The following TXNDC8 variants were observed in gnomAD, a reference collection of about 807,000 sequenced individuals.
TXNDC8 encodes the protein thioredoxin domain containing 8.
TXNDC8 carries 15 observed loss-of-function variants against 12.9 expected under a neutral mutation model. That is an observed-to-expected ratio of 1.16 (90% CI 0.78 to 1.79). The LOEUF (loss-of-function observed/expected upper bound fraction) is 1.79, where lower values mean the gene tolerates loss of function less well. Ranked by LOEUF, TXNDC8 falls within the 40% of genes most tolerant of loss-of-function variation. The pLI, the probability that TXNDC8 is intolerant of heterozygous loss-of-function variation, is 0.00. For missense variants in TXNDC8, 128 were observed against 113.2 expected, an observed-to-expected ratio of 1.13 and a Z score of -0.59; for synonymous variants, 40 against 35.4, an observed-to-expected ratio of 1.13 and a Z score of -0.46.
intron 3 of TXNDC8, among the ~76,000 whole-genome samples, chr9:110,311,521 G>GAGA: frequency 2.4e-5 from 1 of 41,246 alleles, no homozygotes; most frequent in African/African-American, 6.0e-5. Flanking sequence ...AAATAAAGAG[G>GAGA]TATATATATA....
At chr9:110,330,636 A>T (rs1429393341) in intron 2 of TXNDC8, among the ~76,000 whole-genome samples, 1 of 152,194 alleles carries the variant, frequency 6.6e-6, no homozygotes, top group Non-Finnish European at 1.5e-5. Flanking sequence ...TTAGCCCAGG[A>T]TCAGCAAACT....
intron 1 of TXNDC8, among the ~76,000 whole-genome samples, chr9:110,335,507 G>A (rs1839713634): frequency 6.6e-6 from 1 of 152,186 alleles, no homozygotes; most frequent in Non-Finnish European, 1.5e-5. Context: ...TTTACTCTGT[G>A]CCCTATATTC....
chr9:110,327,775 C>G (rs1839391986), intron 2 of TXNDC8, among the ~76,000 whole-genome samples: 1 of 152,020 alleles, frequency 6.6e-6, no homozygotes, highest in African/African-American at 2.4e-5. Flanking sequence ...TTGTGGTTGC[C>G]TAGGATTGGG....
intron 3 of TXNDC8, among the ~76,000 whole-genome samples, chr9:110,311,720 T>A (rs1297810984): frequency 7.1e-6 from 1 of 141,008 alleles, no homozygotes; most frequent in Non-Finnish European, 1.5e-5. Flanking sequence ...TATTACTATA[T>A]CCATATATAT....
chr9:110,308,040 G>C (rs1483721654), intron 3 of TXNDC8, among the ~76,000 whole-genome samples: 3 of 152,216 alleles, frequency 2.0e-5, no homozygotes, highest in African/African-American at 7.2e-5. Flanking sequence ...TCTGAGTGGA[G>C]TTACCCCTGA....
chr9:110,310,025 C>G (rs1357987999), intron 3 of TXNDC8, among the ~76,000 whole-genome samples: 1 of 152,016 alleles, frequency 6.6e-6, no homozygotes, highest in Admixed American at 6.6e-5. Flanking sequence ...GAGAAGAAAA[C>G]AAGGAGACTG....
intron 3 of TXNDC8, chr9:110,323,681 T>A (rs1401368119): frequency 3.4e-6 from 2 of 593,112 alleles, no homozygotes; most frequent in East Asian, 3.9e-5. Flanking sequence ...AGCTGAAGAA[T>A]CTATGGGGAT....
intron 3 of TXNDC8, among the ~76,000 whole-genome samples, chr9:110,315,594 A>G (rs1012629364): frequency 6.6e-5 from 10 of 152,176 alleles, no homozygotes; most frequent in Admixed American, 1.3e-4. Context: ...GCCAGTTGAT[A>G]TGCAATTTTG....
intron 3 of TXNDC8, chr9:110,322,619 T>A (rs1044339758): frequency 1.0e-6 from 1 of 985,056 alleles, no homozygotes; most frequent in Non-Finnish European, 1.2e-6. Context: ...GAACTCAGAG[T>A]CTTGTGTCAT....
intron 2 of TXNDC8, among the ~76,000 whole-genome samples, chr9:110,331,598 C>T (rs1231759972): frequency 6.6e-6 from 1 of 152,128 alleles, no homozygotes; most frequent in Admixed American, 6.5e-5. Context: ...GTCATCTAAC[C>T]TTTTTGATAC....
intron 3 of TXNDC8, among the ~76,000 whole-genome samples, chr9:110,305,043 G>C (rs1838378377): frequency 6.6e-6 from 1 of 151,294 alleles, no homozygotes; most frequent in Non-Finnish European, 1.5e-5. Context: ...AGCTACATGG[G>C]AGGCGGAGGC....
chr9:110,327,662 A>T (rs1216262853), intron 2 of TXNDC8, among the ~76,000 whole-genome samples: 1 of 152,164 alleles, frequency 6.6e-6, no homozygotes, highest in Non-Finnish European at 1.5e-5. Context: ...GCACCTTGAA[A>T]ATGTATGCAG....
At chr9:110,331,660 G>A (rs1211450061) in intron 2 of TXNDC8, among the ~76,000 whole-genome samples, 1 of 152,196 alleles carries the variant, frequency 6.6e-6, no homozygotes, top group Non-Finnish European at 1.5e-5. Flanking sequence ...GGGGTGGGGG[G>A]ATGGTTTCAG....
At chr9:110,337,645 A>G (rs1839809242) in intron 1 of TXNDC8, 128 bp downstream of exon 1, 3 of 851,534 alleles carry the variant, frequency 3.5e-6, no homozygotes, top group Non-Finnish European at 5.5e-6. Context: ...ACAAGAATTT[A>G]GAACTCTCCC....
chr9:110,312,478 G>T (rs1280962111), intron 3 of TXNDC8, among the ~76,000 whole-genome samples: 1 of 152,190 alleles, frequency 6.6e-6, no homozygotes. Flanking sequence ...CTGACCTGTG[G>T]TAAGTAAAGA....
chr9:110,334,313 A>C lies in TXNDC8; in HGVS notation c.32T>G (p.Phe11Cys), dbSNP rs1839666087. 6.2e-7 allele frequency: 1 copy of C among 1,612,396 alleles called. No individual in the cohort carries two copies. The highest frequency in any genetic ancestry group is 8.5e-7 in the Non-Finnish European group (1 of 1,178,716). Residue 11 changes from phenylalanine to cysteine, a missense_variant, in exon 2 of 5, where the codon TTT becomes TGT. Coordinates refer to ENST00000423740, the MANE Select transcript of TXNDC8 (RefSeq NM_001286946.2). The stretch of plus-strand genomic sequence containing the variant: ...TCCGGCAGCTGTCAAAAATGTTTTA[A>C]ATTCATTCTGAAAACAGAAAATAAA...
In TXNDC8 at chr9:110,337,747, C is replaced by T. The variant is rs373957006; in HGVS notation, c.24+26G>A. Reference sequence around the variant, plus strand: ...TCCCAAGATGTCCACATTTGAAATACTCAGTGAAGCCAAATAAATACTTGC... The same window carrying T: ...TCCCAAGATGTCCACATTTGAAATATTCAGTGAAGCCAAATAAATACTTGC... On this transcript the variant is annotated intron_variant, in intron 1 of 4. Transcript: ENST00000423740. 8 of 1,611,948 alleles carry T rather than the reference C, an allele frequency of 5.0e-6. No homozygotes were observed. The African/African-American group carries it at 1.1e-4, about 22-fold the overall frequency.
At chr9:110,313,471 T>C (rs2118753977) in intron 3 of TXNDC8, among the ~76,000 whole-genome samples, 1 of 152,200 alleles carries the variant, frequency 6.6e-6, no homozygotes, top group Middle Eastern at 3.4e-3. Context: ...GAGGCTGACG[T>C]GGGCAGATCA....
chr9:110,313,804 C>G (rs1007361114), intron 3 of TXNDC8, among the ~76,000 whole-genome samples: 1 of 152,092 alleles, frequency 6.6e-6, no homozygotes, highest in African/African-American at 2.4e-5. Flanking sequence ...CCCTTCTTCC[C>G]CCTATTTTCT....
Sources: allele counts gnomAD v4.1 joint callset (sites outside exome capture counted in the v4.1 genomes callset), GRCh38; gene constraint gnomAD v4.1.1; transcripts MANE v1.5; gene names NCBI Gene and HGNC (gene_info 2026-07-23, HGNC 2026-07-21).